The following TMEM108 variants were observed in gnomAD, a reference collection of about 807,000 sequenced individuals.
The protein encoded by TMEM108 is transmembrane protein 108.
Under a neutral mutation model 35.1 loss-of-function variants are expected in TMEM108, and 12 were observed. The observed-to-expected ratio is 0.34, with a 90% CI of 0.22 to 0.55. The LOEUF is 0.55. TMEM108 is among the 20% of genes least tolerant of loss of function. The pLI is 0.89. For synonymous variants in TMEM108, 287 were observed against 308.6 expected, an observed-to-expected ratio of 0.93 and a Z score of 0.73; for missense variants, 680 against 753.3, an observed-to-expected ratio of 0.90 and a Z score of 1.14.
intron 2 of TMEM108, among the ~76,000 whole-genome samples, chr3:133,177,215 C>T (rs980715101): frequency 1.3e-5 from 2 of 152,168 alleles, no homozygotes; most frequent in Non-Finnish European, 2.9e-5. Context: ...GATGGATTCA[C>T]AGCCGAATTC....
chr3:133,317,749 A>G (rs1242402530), intron 3 of TMEM108, among the ~76,000 whole-genome samples: 3 of 152,188 alleles, frequency 2.0e-5, no homozygotes, highest in Admixed American at 2.0e-4. Context: ...TATGCCAGAC[A>G]CCATTCTAGG....
At chr3:133,297,445 A>C (rs1180419423) in intron 3 of TMEM108, among the ~76,000 whole-genome samples, 2 of 152,212 alleles carry the variant, frequency 1.3e-5, no homozygotes, top group Non-Finnish European at 2.9e-5. Flanking sequence ...TGATTGAAAG[A>C]AGAAAGAGGG....
chr3:133,285,107 T>A (rs1946966128), intron 3 of TMEM108, among the ~76,000 whole-genome samples: 1 of 152,220 alleles, frequency 6.6e-6, no homozygotes, highest in Non-Finnish European at 1.5e-5. Context: ...GTAAAATATA[T>A]TTCATCTACA....
intron 3 of TMEM108, among the ~76,000 whole-genome samples, chr3:133,235,638 A>T (rs189312760): frequency 2.0e-5 from 3 of 152,272 alleles, no homozygotes; most frequent in Admixed American, 6.5e-5. Flanking sequence ...TAGAAGTCCT[A>T]CATAAATGCC....
At chr3:133,364,169 A>G (rs2072437454) in intron 3 of TMEM108, among the ~76,000 whole-genome samples, 1 of 152,244 alleles carries the variant, frequency 6.6e-6, no homozygotes, top group South Asian at 2.1e-4. Flanking sequence ...GTCCCAGGCC[A>G]CTGAGCTAGA....
At chr3:133,201,313 T>C (rs62280345) in intron 2 of TMEM108, among the ~76,000 whole-genome samples, 3 of 152,140 alleles carry the variant, frequency 2.0e-5, no homozygotes, top group African/African-American at 7.2e-5. Context: ...AAAAAAAATT[T>C]ATACTTTAAG....
chr3:133,193,431 A>C (rs60451444), intron 2 of TMEM108, among the ~76,000 whole-genome samples: 2 of 151,514 alleles, frequency 1.3e-5, no homozygotes. Flanking sequence ...GAAACTCTAC[A>C]TTTTTTTTTA....
At chr3:133,070,299 G>A (rs1943660810) in intron 2 of TMEM108, among the ~76,000 whole-genome samples, 1 of 152,162 alleles carries the variant, frequency 6.6e-6, no homozygotes, top group South Asian at 2.1e-4. Context: ...GGTCTTGGGA[G>A]AGGAGGGCTT....
intron 2 of TMEM108, among the ~76,000 whole-genome samples, chr3:133,187,940 T>G (rs1410627928): frequency 6.7e-6 from 1 of 148,698 alleles, no homozygotes; most frequent in Non-Finnish European, 1.5e-5. Flanking sequence ...TTTAAAAATC[T>G]GATACCTCAT....
intron 2 of TMEM108, among the ~76,000 whole-genome samples, chr3:133,170,032 GA>G (rs1945106789): frequency 6.6e-6 from 1 of 152,142 alleles, no homozygotes. Context: ...GAGATAAGGA[GA>G]GGGGGATAAC....
chr3:133,111,728 A>G (rs1944227021), intron 2 of TMEM108, among the ~76,000 whole-genome samples: 1 of 152,182 alleles, frequency 6.6e-6, no homozygotes, highest in Non-Finnish European at 1.5e-5. Flanking sequence ...ATACACAAAC[A>G]CATTATTTAT....
chr3:133,217,666 G>T (rs1385715134), intron 2 of TMEM108, among the ~76,000 whole-genome samples: 2 of 151,898 alleles, frequency 1.3e-5, no homozygotes, highest in African/African-American at 4.8e-5. Flanking sequence ...TTTTCCCAAT[G>T]CCATTTATTG....
At chr3:133,207,101 T>C (rs1945767534) in intron 2 of TMEM108, among the ~76,000 whole-genome samples, 1 of 152,114 alleles carries the variant, frequency 6.6e-6, no homozygotes, top group African/African-American at 2.4e-5. Context: ...TTGTTTACAA[T>C]GTGAGGGGAA....
intron 3 of TMEM108, among the ~76,000 whole-genome samples, chr3:133,282,733 C>A (rs1946932313): frequency 6.6e-6 from 1 of 152,108 alleles, no homozygotes; most frequent in Admixed American, 6.5e-5. Context: ...TGTCTCCATG[C>A]CTCTTTATGA....
intron 2 of TMEM108, among the ~76,000 whole-genome samples, chr3:133,132,111 C>T (rs1192267346): frequency 6.6e-6 from 1 of 152,146 alleles, no homozygotes; most frequent in Non-Finnish European, 1.5e-5. Context: ...ATCTCCATAA[C>T]AGAAAAGTAC....
chr3:133,171,911 A>T (rs1286685998), intron 2 of TMEM108, among the ~76,000 whole-genome samples: 1 of 152,182 alleles, frequency 6.6e-6, no homozygotes, highest in Non-Finnish European at 1.5e-5. Context: ...CATTCTCACA[A>T]TTTCCTGCAA....
chr3:133,199,613 A>G (rs1357317781), intron 2 of TMEM108, among the ~76,000 whole-genome samples: 1 of 152,152 alleles, frequency 6.6e-6, no homozygotes, highest in Non-Finnish European at 1.5e-5. Context: ...ATATTGCAGA[A>G]CAGCAAATGT....
At chr3:133,038,754 G>A (rs1943237268) in intron 1 of TMEM108, among the ~76,000 whole-genome samples, 1 of 152,210 alleles carries the variant, frequency 6.6e-6, no homozygotes, top group African/African-American at 2.4e-5. Flanking sequence ...GATGGGGCGC[G>A]GGCGTCAGGA....
At chr3:133,258,201 G>A (rs1020448907) in intron 3 of TMEM108, among the ~76,000 whole-genome samples, 5 of 152,182 alleles carry the variant, frequency 3.3e-5, no homozygotes, top group Non-Finnish European at 7.3e-5. Flanking sequence ...TGAAGACATG[G>A]TGAGAAGGTA....
Sources: allele counts gnomAD v4.1 joint callset (sites outside exome capture counted in the v4.1 genomes callset), GRCh38; gene constraint gnomAD v4.1.1; transcripts MANE v1.5; gene names NCBI Gene and HGNC (gene_info 2026-07-23, HGNC 2026-07-21).